FRMD4B: variants seen among roughly 807,000 people sequenced by gnomAD.
The protein encoded by FRMD4B is FERM domain-containing protein 4B.
A neutral mutation model predicts 141.5 loss-of-function variants in FRMD4B; 74 were observed. The observed-to-expected ratio is 0.52, with a 90% CI of 0.43 to 0.63. The LOEUF is 0.63. Ranked by LOEUF, FRMD4B falls within the 30% of genes least tolerant of loss-of-function variation. The pLI is 0.00. For missense variants in FRMD4B, 1,366 were observed against 1,253.4 expected, an observed-to-expected ratio of 1.09 and a Z score of -1.36; for synonymous variants, 506 against 467.9, an observed-to-expected ratio of 1.08 and a Z score of -1.05.
At chr3:69,448,572 G>A (rs747551483) in intron 1 of FRMD4B, among the ~76,000 whole-genome samples, 1 of 152,126 alleles carries the variant, frequency 6.6e-6, no homozygotes, top group Non-Finnish European at 1.5e-5. Context: ...TAGCTATGAA[G>A]CAGTTGGCAT....
chr3:69,270,898 A>G (rs1406550466), intron 5 of FRMD4B, among the ~76,000 whole-genome samples: 1 of 152,218 alleles, frequency 6.6e-6, no homozygotes, highest in African/African-American at 2.4e-5. Flanking sequence ...GAAACATACA[A>G]ATAAATTTGA....
chr3:69,540,010 T>C (rs1190750954), intron 1 of FRMD4B, among the ~76,000 whole-genome samples: 5 of 151,700 alleles, frequency 3.3e-5, no homozygotes, highest in African/African-American at 1.2e-4. Flanking sequence ...CCGACCAACA[T>C]GGTGAAACCC....
intron 1 of FRMD4B, among the ~76,000 whole-genome samples, chr3:69,316,725 C>G (rs1701814840): frequency 6.6e-6 from 1 of 152,116 alleles, no homozygotes; most frequent in South Asian, 2.1e-4. Context: ...AAATAATGCT[C>G]AAAAGATCAC....
intron 2 of FRMD4B, among the ~76,000 whole-genome samples, chr3:69,432,444 A>G (rs1178248674): frequency 6.6e-6 from 1 of 152,124 alleles, no homozygotes; most frequent in African/African-American, 2.4e-5. Flanking sequence ...AACTTAATTT[A>G]TTAATTTTCT....
At chr3:69,472,753 A>G (rs751013567) in intron 1 of FRMD4B, among the ~76,000 whole-genome samples, 1 of 152,032 alleles carries the variant, frequency 6.6e-6, no homozygotes, top group Non-Finnish European at 1.5e-5. Context: ...GACCCGGAAG[A>G]GGGGTTGCCA....
intron 1 of FRMD4B, among the ~76,000 whole-genome samples, chr3:69,506,936 A>G (rs1356882316): frequency 6.6e-6 from 1 of 152,170 alleles, no homozygotes; most frequent in Non-Finnish European, 1.5e-5. Flanking sequence ...GTACTTTCCA[A>G]GGTGTTAATT....
Position 69,386,063 on chromosome 3 carries a change from C to T in FRMD4B, c.-74G>A. The T allele has an allele frequency of 7.6e-7, 1 of 1,307,886 alleles. No individual in the cohort carries two copies. The highest frequency in any genetic ancestry group is 1.0e-6 in the Non-Finnish European group (1 of 998,166). The allele number at this position is 1,307,886 out of a possible 1,614,324, so 81.0% of individuals were successfully genotyped here. ...GCCCCGACCCCAGCGGCCTGCCCGC[C>T]TGGGCTCCCGACGCCGGCTTCTGCT... On this transcript the variant is annotated 5_prime_UTR_variant, in exon 1 of 23. Transcript: ENST00000398540.
intron 1 of FRMD4B, among the ~76,000 whole-genome samples, chr3:69,456,141 A>C (rs1347412519): frequency 6.6e-6 from 1 of 151,728 alleles, no homozygotes; most frequent in South Asian, 2.1e-4. Flanking sequence ...CCCAGAGACA[A>C]AACATCTGAA....
chr3:69,515,524 G>T (rs1194708761), intron 1 of FRMD4B, among the ~76,000 whole-genome samples: 1 of 151,974 alleles, frequency 6.6e-6, no homozygotes, highest in Non-Finnish European at 1.5e-5. Context: ...TTTATTCTTT[G>T]GGTTATAATT....
intron 7 of FRMD4B, among the ~76,000 whole-genome samples, chr3:69,238,558 C>G (rs954550489): frequency 6.6e-6 from 1 of 152,134 alleles, no homozygotes; most frequent in Non-Finnish European, 1.5e-5. Context: ...CTGAGGTGGG[C>G]AAACTGCTTG....
At chr3:69,338,795 T>G (rs1225644414) in intron 1 of FRMD4B, among the ~76,000 whole-genome samples, 1 of 151,934 alleles carries the variant, frequency 6.6e-6, no homozygotes, top group African/African-American at 2.4e-5. Context: ...GACACCAAAT[T>G]TATCTACAGA....
At position 69,200,743 on chromosome 3, in the gene FRMD4B, G is replaced by A. The variant is rs562255662; in HGVS notation, c.877-1969C>T. On this transcript the variant is annotated intron_variant, in intron 11 of 22. Transcript: ENST00000398540. Reference sequence around the variant, plus strand: ...CCTGATACTTCCTAGGAAGTAAGTTGCTTTGAATCCAAGGACGAATTTCAC... The same window carrying A: ...CCTGATACTTCCTAGGAAGTAAGTTACTTTGAATCCAAGGACGAATTTCAC... The A allele has an allele frequency of 1.6e-3, 1,783 of 1,135,152 alleles. 4 individuals carry two copies. Among genetic ancestry groups the A allele is most frequent in the Middle Eastern group, 2.5e-3 (11 of 4,414 alleles). 70.3% of individuals were successfully genotyped at this position (1,135,152 alleles called of 1,614,324 possible).
At chr3:69,533,618 C>T (rs6777964) in intron 1 of FRMD4B, among the ~76,000 whole-genome samples, 44,114 of 152,114 alleles carry the variant, frequency 0.29, 6,625 homozygotes, top group African/African-American at 0.33. Flanking sequence ...TGCTGATTCT[C>T]TGCGTTAATC....
At chr3:69,221,998 G>A (rs1228351505) in intron 8 of FRMD4B, 75 bp from the exon 9 acceptor site, 2 of 794,784 alleles carry the variant, frequency 2.5e-6, no homozygotes, top group Non-Finnish European at 4.4e-6. Flanking sequence ...ACATTATCAG[G>A]TGGCTGTCAG....
chr3:69,446,993 GT>G (rs990734910), intron 1 of FRMD4B, among the ~76,000 whole-genome samples: 1 of 151,932 alleles, frequency 6.6e-6, no homozygotes, highest in Non-Finnish European at 1.5e-5. Flanking sequence ...AGCAGGTAGA[GT>G]TTTTTTTAAT....
At chr3:69,400,521 T>C (rs1275431890) in intron 2 of FRMD4B, among the ~76,000 whole-genome samples, 1 of 152,202 alleles carries the variant, frequency 6.6e-6, no homozygotes, top group Non-Finnish European at 1.5e-5. Context: ...AGGCTGGTAC[T>C]GGGTTAAAAC....
chr3:69,277,268 T>C (rs763889943), intron 5 of FRMD4B, among the ~76,000 whole-genome samples: 4 of 152,160 alleles, frequency 2.6e-5, no homozygotes, highest in Non-Finnish European at 5.9e-5. Flanking sequence ...CATTTTGTTA[T>C]GTTTGTTATG....
Position 69,214,203 on chromosome 3 carries a change from T to C in FRMD4B, c.876+2060A>G, listed in dbSNP as rs59937996. 5.3e-3 allele frequency among the ~76,000 whole-genome samples: 806 copies of C among 152,322 alleles called. 19 individuals are homozygous for C. The East Asian group carries it at 0.073, about 14-fold the overall frequency. ...CAATGATTCAAGCTGCATGGACACTTAGAAGATGAAGAGTACGTATGATTA... is the reference window on the plus strand; with the variant it reads ...CAATGATTCAAGCTGCATGGACACTCAGAAGATGAAGAGTACGTATGATTA... On this transcript the variant is annotated intron_variant, in intron 11 of 22. Transcript: ENST00000398540.
chr3:69,454,419 C>A (rs1705551734), intron 1 of FRMD4B, among the ~76,000 whole-genome samples: 1 of 152,194 alleles, frequency 6.6e-6, no homozygotes, highest in African/African-American at 2.4e-5. Context: ...ACTCCCTCTG[C>A]TTGCTGGGAG....
Sources: gnomAD v4.1 joint callset for allele counts (sites outside exome capture counted in the v4.1 genomes callset) on GRCh38, gnomAD v4.1.1 for gene constraint, MANE v1.5 for transcripts, NCBI Gene and HGNC (gene_info 2026-07-23, HGNC 2026-07-21) for gene names.